The following CFAP58 variants were observed in gnomAD, a reference collection of about 807,000 sequenced individuals.
CFAP58 encodes the protein cilia- and flagella-associated protein 58.
In CFAP58, 88 loss-of-function variants were observed where a neutral mutation model predicts 119.5. That is an observed-to-expected ratio of 0.74 (90% CI 0.62 to 0.88). The LOEUF (loss-of-function observed/expected upper bound fraction) is 0.88. CFAP58 is among the 40% of genes least tolerant of loss of function. The probability of loss-of-function intolerance (pLI) is 0.00; values close to 1 mark genes in which losing one functional copy is unlikely to be tolerated. For synonymous variants in CFAP58, 365 were observed against 366.3 expected, an observed-to-expected ratio of 1.00 and a Z score of 0.04; for missense variants, 990 against 1,021.2, an observed-to-expected ratio of 0.97 and a Z score of 0.42.
In CFAP58 at chr10:104,376,893, G is replaced by A. The variant is rs371670413; in HGVS notation, c.1173G>A (p.Lys391=). 1 of 1,605,764 alleles carries A rather than the reference G, an allele frequency of 6.2e-7. No homozygotes were observed. The highest frequency in any genetic ancestry group is 1.3e-5 in the African/African-American group (1 of 74,712). The change falls in exon 8 of 18, where the codon AAG becomes AAA. Residue 391 remains lysine (K), a splice_region_variant and synonymous_variant. Transcript: ENST00000369704. ...TAAGAGAAAGGGACATACTAAATAA[G>A]GTGAGTGTGTTACAGTCACACTGGT... ...ELLRERDILN[K]NMLKAVNATQ...
intron 15 of CFAP58, among the ~76,000 whole-genome samples, chr10:104,424,038 G>C (rs1020657050): frequency 6.6e-6 from 1 of 152,136 alleles, no homozygotes; most frequent in Non-Finnish European, 1.5e-5. Flanking sequence ...TCTCTGGTGG[G>C]TCATCAAGTT....
intron 14 of CFAP58, among the ~76,000 whole-genome samples, chr10:104,404,770 C>G (rs550794036): frequency 6.6e-6 from 1 of 152,136 alleles, no homozygotes; most frequent in Admixed American, 6.5e-5. Flanking sequence ...CCACCATGCC[C>G]GGCTAATTTT....
intron 2 of CFAP58, among the ~76,000 whole-genome samples, chr10:104,360,756 A>C (rs1186255385): frequency 6.6e-6 from 1 of 152,088 alleles, no homozygotes; most frequent in Non-Finnish European, 1.5e-5. Context: ...TTCCTGTGTT[A>C]GTTTGCTAAG....
chr10:104,423,465 AC>A (rs2012692719), intron 15 of CFAP58, among the ~76,000 whole-genome samples: 5 of 152,130 alleles, frequency 3.3e-5, no homozygotes, highest in Admixed American at 2.6e-4. Flanking sequence ...GTTGCATAAA[AC>A]CAAGTGAGAT....
At chr10:104,424,624 A>T (rs2012713470) in intron 15 of CFAP58, among the ~76,000 whole-genome samples, 1 of 152,184 alleles carries the variant, frequency 6.6e-6, no homozygotes, top group African/African-American at 2.4e-5. Flanking sequence ...GATCTCCGTG[A>T]GCAGTGTGTG....
chr10:104,380,660 A>G (rs2011773174), intron 9 of CFAP58, among the ~76,000 whole-genome samples: 1 of 152,228 alleles, frequency 6.6e-6, no homozygotes, highest in Non-Finnish European at 1.5e-5. Context: ...CCACAAGTTA[A>G]GATGTGAGTG....
upstream of CFAP58, among the ~76,000 whole-genome samples, chr10:104,350,188 G>A (rs111960027): frequency 1.6e-3 from 241 of 152,290 alleles, no homozygotes; most frequent in Middle Eastern, 6.8e-3. Context: ...TCCACAGTAT[G>A]CAACATAGGG....
intron 1 of CFAP58, among the ~76,000 whole-genome samples, chr10:104,357,868 CACAT>C (rs1564875671): frequency 4.4e-4 from 51 of 115,276 alleles, no homozygotes; most frequent in Non-Finnish European, 8.8e-4. Context: ...CACATATATA[CACAT>C]ATATGTACAC....
intron 1 of CFAP58, among the ~76,000 whole-genome samples, chr10:104,357,851 AT>A (rs2014574817): frequency 2.3e-5 from 1 of 43,704 alleles, no homozygotes; most frequent in Non-Finnish European, 5.5e-5. Context: ...ATATGTACAC[AT>A]ATATACACAT....
chr10:104,407,181 T>C (rs1434546234), intron 15 of CFAP58, among the ~76,000 whole-genome samples: 1 of 152,222 alleles, frequency 6.6e-6, no homozygotes. Context: ...TCTGTTCACA[T>C]GAAGATTTAT....
chr10:104,341,807 T>C, the CFAP58 span, among the ~76,000 whole-genome samples: 15 of 152,184 alleles, frequency 9.9e-5, no homozygotes, highest in African/African-American at 3.4e-4. Flanking sequence ...TCAGATAAAA[T>C]TTGGCATCGA....
chr10:104,352,505 A>G (rs746059760), upstream of CFAP58, among the ~76,000 whole-genome samples: 7 of 151,596 alleles, frequency 4.6e-5, no homozygotes, highest in Non-Finnish European at 1.0e-4. Flanking sequence ...AGTAGGGCAC[A>G]TGGCACGGGA....
upstream of CFAP58, among the ~76,000 whole-genome samples, chr10:104,348,975 G>A (rs185657688): frequency 8.1e-4 from 124 of 152,284 alleles, 1 homozygote; most frequent in African/African-American, 2.9e-3. Context: ...GGCCAGGTGT[G>A]GTGGCTCACA....
chr10:104,391,074 G>T (rs1203866070), intron 9 of CFAP58, among the ~76,000 whole-genome samples: 3 of 152,176 alleles, frequency 2.0e-5, no homozygotes, highest in Non-Finnish European at 4.4e-5. Context: ...TCTCATTTAT[G>T]TATTTTCTGG....
At chr10:104,355,633 C>A (rs2014534065) in intron 1 of CFAP58, among the ~76,000 whole-genome samples, 1 of 152,198 alleles carries the variant, frequency 6.6e-6, no homozygotes, top group African/African-American at 2.4e-5. Flanking sequence ...GTGCCTGGCA[C>A]ATAGCAAACA....
chr10:104,379,931 A>G (rs1395919938), intron 8 of CFAP58, 98 bp from the exon 9 acceptor site: 2 of 982,264 alleles, frequency 2.0e-6, no homozygotes, highest in Non-Finnish European at 3.1e-6. Flanking sequence ...CCAAAAGACA[A>G]GATATCTAAT....
Position 104,392,389 on chromosome 10 carries a change from G to C in CFAP58, c.1522G>C (p.Ala508Pro). The change falls in exon 10 of 18, where the codon GCT (alanine) becomes CCT (proline). Residue 508 changes from alanine (A) to proline (P), a missense_variant. Coordinates refer to ENST00000369704, the MANE Select transcript of CFAP58 (RefSeq NM_001008723.2). ...TCTGTATAGCAAAAATCTGGTTGAGGCTCAGGTAAATAATATATTTATATC... is the reference window on the plus strand; with the variant it reads ...TCTGTATAGCAAAAATCTGGTTGAGCCTCAGGTAAATAATATATTTATATC... Reference protein sequence around the residue: ...RNLYSKNLVEAQDEITDMKRK... With the variant: ...RNLYSKNLVEPQDEITDMKRK... The C allele has an allele frequency of 6.3e-7, 1 of 1,575,898 alleles. No homozygotes were observed. The highest frequency in any genetic ancestry group is 8.6e-7 in the Non-Finnish European group (1 of 1,162,832).
At chr10:104,431,884 T>G (rs576257506) in intron 15 of CFAP58, among the ~76,000 whole-genome samples, 2 of 152,338 alleles carry the variant, frequency 1.3e-5, no homozygotes, top group African/African-American at 4.8e-5. Context: ...CAACGTTATA[T>G]TTTTGAGACC....
chr10:104,344,930 C>T, the CFAP58 span, among the ~76,000 whole-genome samples: 2 of 151,994 alleles, frequency 1.3e-5, no homozygotes, highest in Non-Finnish European at 2.9e-5. Context: ...GGTGGATCAC[C>T]TGAGGTCAGG....
Sources: allele counts gnomAD v4.1 joint callset (sites outside exome capture counted in the v4.1 genomes callset), GRCh38; gene constraint gnomAD v4.1.1; transcripts MANE v1.5; gene names NCBI Gene and HGNC (gene_info 2026-07-23, HGNC 2026-07-21).